Variants in POLR3H observed in about 807,000 individuals in gnomAD.
POLR3H encodes the protein RNA polymerase III subunit H.
In POLR3H, 17 loss-of-function variants were observed where a neutral mutation model predicts 25.5. The observed-to-expected ratio is 0.67, with a 90% confidence interval of 0.46 to 1.00. The LOEUF (loss-of-function observed/expected upper bound fraction) is 1.00, where lower values mean the gene tolerates loss of function less well. Among genes scored for constraint, POLR3H ranks in the 50% least tolerant of loss-of-function variants. POLR3H has a pLI of 0.00. For synonymous variants in POLR3H, 129 were observed against 103.0 expected (o/e 1.25, Z -1.53); for missense variants, 274 against 265.0 (o/e 1.03, Z -0.24).
chr22:41,526,833 G>A lies in POLR3H; in HGVS notation c.*2450C>T. ...GGTGATTGGACTTTTTCTGCTTTGA[G>A]AAACAAACAGAACCAGGGCTGAACC... On this transcript the variant is annotated 3_prime_UTR_variant, in exon 6 of 6. Coordinates refer to ENST00000355209, the MANE Select transcript of POLR3H (RefSeq NM_001018050.4). 3.4e-6 allele frequency: 1 copy of A among 295,306 alleles called. No homozygotes were observed. The highest frequency in any genetic ancestry group is 4.7e-5 in the Admixed American group (1 of 21,190). 18.3% of individuals were successfully genotyped at this position (295,306 alleles called of 1,614,324 possible). A position where few individuals can be genotyped will look rare whatever the true frequency, so the allele number is the denominator to read the frequency against.
Position 41,526,251 on chromosome 22 carries a change from T to TA in POLR3H, c.*3031dup. The stretch of plus-strand genomic sequence containing the variant: ...TGCCCTGACCTCTGTCCTCTCTACT[T>TA]ACCACCCAAGGTCAAAGGGAAGTGT... On this transcript the variant is annotated 3_prime_UTR_variant, in exon 6 of 6. Transcript: ENST00000355209. The TA allele has an allele frequency of 6.2e-7, 1 of 1,610,120 alleles. No homozygotes were observed. The highest frequency in any genetic ancestry group is 8.5e-7 in the Non-Finnish European group (1 of 1,178,478).
At chr22:41,532,568 C>T (rs754642181) in intron 3 of POLR3H, 91 bp downstream of exon 3, 5 of 1,603,694 alleles carry the variant, frequency 3.1e-6, no homozygotes, top group South Asian at 1.1e-5. Context: ...GCCTCGACAC[C>T]TGAGCCCTCC....
intron 2 of POLR3H, among the ~76,000 whole-genome samples, chr22:41,538,068 C>T (rs975817528): frequency 2.6e-5 from 4 of 151,690 alleles, no homozygotes; most frequent in South Asian, 2.1e-4. Flanking sequence ...TGGGTTCAAG[C>T]GATTCTCCTG....
At chr22:41,538,435 G>C (rs1455973672) in intron 2 of POLR3H, among the ~76,000 whole-genome samples, 1 of 151,954 alleles carries the variant, frequency 6.6e-6, no homozygotes, top group East Asian at 1.9e-4. Flanking sequence ...TTTTTTTGTA[G>C]TTTTAGTAGA....
intron 2 of POLR3H, among the ~76,000 whole-genome samples, chr22:41,537,178 A>G (rs2066862770): frequency 6.6e-6 from 1 of 152,144 alleles, no homozygotes; most frequent in African/African-American, 2.4e-5. Flanking sequence ...AAAGGCCATC[A>G]TCTGTGAGCA....
At chr22:41,536,142 C>A (rs528723511) in intron 2 of POLR3H, among the ~76,000 whole-genome samples, 1 of 151,208 alleles carries the variant, frequency 6.6e-6, no homozygotes, top group Admixed American at 6.6e-5. Flanking sequence ...CCTGTAATCC[C>A]AGCACTTTGG....
chr22:41,543,051 C>T (rs994439584), intron 1 of POLR3H, among the ~76,000 whole-genome samples: 1 of 152,094 alleles, frequency 6.6e-6, no homozygotes, highest in Non-Finnish European at 1.5e-5. Context: ...CTACTCCCGC[C>T]AGGCTTTGGC....
chr22:41,533,817 A>G, intron 2 of POLR3H: 2 of 731,904 alleles, frequency 2.7e-6, no homozygotes, highest in Non-Finnish European at 4.1e-6. Context: ...TGTCCCCCAC[A>G]TGGCCCAACA....
chr22:41,542,395 T>C (rs552554730), intron 1 of POLR3H, among the ~76,000 whole-genome samples: 2 of 152,186 alleles, frequency 1.3e-5, no homozygotes, highest in African/African-American at 4.8e-5. Flanking sequence ...GTATTCCTTC[T>C]TCACAGGGCC....
intron 2 of POLR3H, among the ~76,000 whole-genome samples, chr22:41,536,866 C>CAAAAAAAAAAAAAAAAA (rs576432041): frequency 1.8e-5 from 1 of 55,644 alleles, no homozygotes; most frequent in Non-Finnish European, 3.5e-5. Context: ...GACTCTGTCT[C>CAAAAAAAAAAAAAAAAA]AAAAAAAAAA....
At chr22:41,536,989 A>C (rs2066859805) in intron 2 of POLR3H, among the ~76,000 whole-genome samples, 1 of 152,130 alleles carries the variant, frequency 6.6e-6, no homozygotes, top group Non-Finnish European at 1.5e-5. Flanking sequence ...TAAAAAATAA[A>C]TAACTAAAGG....
chr22:41,537,172 G>T (rs2066862553), intron 2 of POLR3H, among the ~76,000 whole-genome samples: 1 of 152,080 alleles, frequency 6.6e-6, no homozygotes, highest in African/African-American at 2.4e-5. Flanking sequence ...TGCCACAAAG[G>T]CCATCATCTG....
intron 2 of POLR3H, chr22:41,539,340 G>C (rs538218876): frequency 6.6e-6 from 1 of 152,264 alleles, no homozygotes; most frequent in Admixed American, 6.5e-5. Flanking sequence ...TGAGAATTGC[G>C]CTCTGAGTGC....
intron 2 of POLR3H, among the ~76,000 whole-genome samples, chr22:41,535,012 T>A (rs1404871637): frequency 6.6e-6 from 1 of 152,026 alleles, no homozygotes; most frequent in African/African-American, 2.4e-5. Context: ...CTACTTACCA[T>A]AACCCCTGGA....
intron 1 of POLR3H, among the ~76,000 whole-genome samples, chr22:41,541,192 T>C (rs2066923481): frequency 6.6e-6 from 1 of 152,172 alleles, no homozygotes; most frequent in African/African-American, 2.4e-5. Flanking sequence ...GAAACCATCA[T>C]CATCAAGGAT....
intron 2 of POLR3H, among the ~76,000 whole-genome samples, chr22:41,536,450 A>G (rs2066847634): frequency 6.6e-6 from 1 of 151,982 alleles, no homozygotes; most frequent in South Asian, 2.1e-4. Flanking sequence ...AAGAATATGA[A>G]TGTGCCTAAT....
rs2066645990 is a variant in POLR3H at position 41,528,265 on chromosome 22, C to T, written c.*1018G>A. On this transcript the variant is annotated 3_prime_UTR_variant, in exon 6 of 6. Transcript: ENST00000355209. ...TCACCAGGACCTGGCACTCAGGGGACAGCCCACCCACTGCAGGACCCTCTG... is the reference window on the plus strand; with the variant it reads ...TCACCAGGACCTGGCACTCAGGGGATAGCCCACCCACTGCAGGACCCTCTG... The T allele has an allele frequency of 3.6e-6, 3 of 840,562 alleles. No homozygotes were observed. The East Asian group carries it at 8.0e-5, about 22-fold the overall frequency. 52.1% of individuals were successfully genotyped at this position (840,562 alleles called of 1,614,324 possible). A position where few individuals can be genotyped will look rare whatever the true frequency, so the allele number is the denominator to read the frequency against.
rs896416927 is a variant in POLR3H at position 41,540,460 on chromosome 22, A to G, written c.208+239T>C. On this transcript the variant is annotated intron_variant, in intron 2 of 5. Coordinates refer to ENST00000355209, the MANE Select transcript of POLR3H (RefSeq NM_001018050.4). ...ACGTCTCCCAGCCTCCAGGACTCCC[A>G]CCACCCTCTGGCCATCTCTTTGACT... 7.6e-6 allele frequency: 4 copies of G among 527,708 alleles called. No homozygotes were observed. The Admixed American group carries it at 1.0e-4, about 14-fold the overall frequency. The allele number at this position is 527,708 out of a possible 1,614,324, so 32.7% of individuals were successfully genotyped here.
Position 41,528,653 on chromosome 22 carries a change from G to C in POLR3H, c.*630C>G, listed in dbSNP as rs1161085897. On this transcript the variant is annotated 3_prime_UTR_variant, in exon 6 of 6. Transcript: ENST00000355209. ...CGCCCCGCCGCTGGCGTCAAGTTCAGCTCCACGTGTGCCATCAGTGGATCC... is the reference window on the plus strand; with the variant it reads ...CGCCCCGCCGCTGGCGTCAAGTTCACCTCCACGTGTGCCATCAGTGGATCC... 6.2e-7 allele frequency: 1 copy of C among 1,604,908 alleles called. No individual in the cohort carries two copies. Among genetic ancestry groups the C allele is most frequent in the Non-Finnish European group, 8.5e-7 (1 of 1,177,584 alleles).
Sources: gnomAD v4.1 joint callset for allele counts (sites outside exome capture counted in the v4.1 genomes callset) on GRCh38, gnomAD v4.1.1 for gene constraint, MANE v1.5 for transcripts, NCBI Gene and HGNC (gene_info 2026-07-23, HGNC 2026-07-21) for gene names.